The following GALNTL6 variants were observed in gnomAD, a reference collection of about 807,000 sequenced individuals.
The protein encoded by GALNTL6 is polypeptide N-acetylgalactosaminyltransferase-like 6.
Under a neutral mutation model 73.7 loss-of-function variants are expected in GALNTL6, and 46 were observed. The observed-to-expected ratio is 0.62, with a 90% CI of 0.49 to 0.80. The LOEUF is 0.80. GALNTL6 is among the 30% of genes least tolerant of loss of function. The pLI is 0.00. For missense variants in GALNTL6, 604 were observed against 755.0 expected (o/e 0.80, Z 2.34); for synonymous variants, 259 against 263.7 (o/e 0.98, Z 0.17).
At chr4:171,969,710 G>A (rs1015941340) in intron 2 of GALNTL6, among the ~76,000 whole-genome samples, 60 of 151,348 alleles carry the variant, frequency 4.0e-4, no homozygotes, top group Non-Finnish European at 1.5e-4. Flanking sequence ...TATGGTTTCA[G>A]ACTTCTAAAA....
intron 2 of GALNTL6, among the ~76,000 whole-genome samples, chr4:172,181,839 C>T (rs1735255036): frequency 6.6e-6 from 1 of 151,762 alleles, no homozygotes; most frequent in Non-Finnish European, 1.5e-5. Context: ...CCTCAGCCTC[C>T]TGAGTAGCTG....
At chr4:171,996,100 C>T (rs1197116262) in intron 2 of GALNTL6, among the ~76,000 whole-genome samples, 1 of 152,020 alleles carries the variant, frequency 6.6e-6, no homozygotes, top group Non-Finnish European at 1.5e-5. Flanking sequence ...AATTTAACAG[C>T]CCATATTCTT....
At chr4:172,382,398 TTTGTC>T (rs1394229529) in intron 5 of GALNTL6, among the ~76,000 whole-genome samples, 1 of 152,158 alleles carries the variant, frequency 6.6e-6, no homozygotes, top group Non-Finnish European at 1.5e-5. Context: ...TTGTCAGTCT[TTTGTC>T]TTTCTTGGGA....
At chr4:172,279,587 G>A (rs952047014) in intron 3 of GALNTL6, among the ~76,000 whole-genome samples, 1 of 152,238 alleles carries the variant, frequency 6.6e-6, no homozygotes, top group Non-Finnish European at 1.5e-5. Flanking sequence ...TGAAGATGAA[G>A]ATATATTGGA....
intron 2 of GALNTL6, among the ~76,000 whole-genome samples, chr4:171,891,454 T>C (rs974097093): frequency 6.6e-6 from 1 of 152,196 alleles, no homozygotes; most frequent in African/African-American, 2.4e-5. Flanking sequence ...GTTGTTGTAC[T>C]AATTTCTGCA....
chr4:172,740,993 C>A (rs76263300), intron 5 of GALNTL6, among the ~76,000 whole-genome samples: 1 of 152,026 alleles, frequency 6.6e-6, no homozygotes, highest in African/African-American at 2.4e-5. Context: ...CAGGAGCCTA[C>A]CCCTTTAATG....
chr4:172,969,162 C>T (rs537257951), intron 10 of GALNTL6, among the ~76,000 whole-genome samples: 5 of 151,848 alleles, frequency 3.3e-5, no homozygotes, highest in Admixed American at 2.6e-4. Context: ...TGAGAAAACT[C>T]AGGGATGAAC....
chr4:172,118,880 CAATGCTTCT>C (rs1733066175), intron 2 of GALNTL6, among the ~76,000 whole-genome samples: 1 of 151,638 alleles, frequency 6.6e-6, no homozygotes, highest in African/African-American at 2.4e-5. Context: ...GAGAAATAGA[CAATGCTTCT>C]AGCTTTTTTC....
chr4:172,747,588 T>C (rs999215980), intron 5 of GALNTL6, among the ~76,000 whole-genome samples: 11 of 152,020 alleles, frequency 7.2e-5, no homozygotes, highest in African/African-American at 2.7e-4. Context: ...AGTATAGTCA[T>C]TTTGAAAAAC....
At chr4:171,938,012 G>A (rs1738405002) in intron 2 of GALNTL6, among the ~76,000 whole-genome samples, 1 of 152,086 alleles carries the variant, frequency 6.6e-6, no homozygotes, top group Non-Finnish European at 1.5e-5. Context: ...TGTTGTGTGT[G>A]TATAAACCTA....
At chr4:172,917,650 G>C (rs994708843) in intron 8 of GALNTL6, among the ~76,000 whole-genome samples, 1 of 152,222 alleles carries the variant, frequency 6.6e-6, no homozygotes, top group African/African-American at 2.4e-5. Flanking sequence ...ATGAAAAAAT[G>C]CTTATCATCA....
chr4:172,408,701 T>A (rs1744323541), intron 5 of GALNTL6, among the ~76,000 whole-genome samples: 1 of 151,984 alleles, frequency 6.6e-6, no homozygotes, highest in Admixed American at 6.6e-5. Context: ...ATGTTGTTAG[T>A]AGGCGAGGAA....
chr4:172,749,995 T>C (rs1176263642), intron 5 of GALNTL6, among the ~76,000 whole-genome samples: 1 of 152,226 alleles, frequency 6.6e-6, no homozygotes, highest in Non-Finnish European at 1.5e-5. Flanking sequence ...GATCAGTCTA[T>C]TGAAATTATG....
chr4:172,466,354 G>A (rs1732818301), intron 5 of GALNTL6, among the ~76,000 whole-genome samples: 1 of 152,104 alleles, frequency 6.6e-6, no homozygotes, highest in African/African-American at 2.4e-5. Flanking sequence ...TAAAATAGCA[G>A]CTACATTAGA....
chr4:172,637,105 A>T (rs1739730546), intron 5 of GALNTL6, among the ~76,000 whole-genome samples: 1 of 152,176 alleles, frequency 6.6e-6, no homozygotes, highest in African/African-American at 2.4e-5. Flanking sequence ...CTTTATATTA[A>T]TTGCTAACTC....
chr4:172,293,510 A>G (rs766536212), intron 3 of GALNTL6, among the ~76,000 whole-genome samples: 7 of 152,060 alleles, frequency 4.6e-5, no homozygotes, highest in Non-Finnish European at 8.8e-5. Flanking sequence ...TTTTCAAGCA[A>G]ACACCAATAA....
Position 172,487,567 on chromosome 4 carries a change from T to C in GALNTL6, c.553+138878T>C, listed in dbSNP as rs567328715. On this transcript the variant is annotated intron_variant, in intron 5 of 12. Transcript: ENST00000506823. The stretch of plus-strand genomic sequence containing the variant: ...ACATCTAGCTAATTCTTTGTATTTT[T>C]AGTAGAGACGGAGTTTCACCACATT... Among the ~76,000 whole-genome samples, 29 of 151,896 alleles carry C rather than the reference T, an allele frequency of 1.9e-4. No homozygotes were observed. The South Asian group carries it at 6.0e-3, about 32-fold the overall frequency.
chr4:172,329,342 G>A (rs1274157889), intron 4 of GALNTL6, among the ~76,000 whole-genome samples: 1 of 152,178 alleles, frequency 6.6e-6, no homozygotes, highest in Non-Finnish European at 1.5e-5. Flanking sequence ...CTAGTGAGAA[G>A]ATACAGGATC....
intron 5 of GALNTL6, among the ~76,000 whole-genome samples, chr4:172,622,333 C>T (rs1738994936): frequency 6.6e-6 from 1 of 152,020 alleles, no homozygotes; most frequent in African/African-American, 2.4e-5. Context: ...AAAGTAGACC[C>T]ACTCCAAGAC....
Sources: allele counts gnomAD v4.1 joint callset (sites outside exome capture counted in the v4.1 genomes callset), GRCh38; gene constraint gnomAD v4.1.1; transcripts MANE v1.5; gene names NCBI Gene and HGNC (gene_info 2026-07-23, HGNC 2026-07-21).